ACACB: variants seen among roughly 807,000 people sequenced by gnomAD.
ACACB encodes acetyl-CoA carboxylase beta.
ACACB carries 209 observed loss-of-function variants against 278.8 expected under a neutral mutation model. The ratio of observed to expected loss-of-function variants is 0.75; its 90% CI spans 0.67 to 0.84. The LOEUF (loss-of-function observed/expected upper bound fraction) is 0.84. Among genes scored for constraint, ACACB ranks in the 40% least tolerant of loss-of-function variants. ACACB has a pLI of 0.00. For synonymous variants in ACACB, 1,174 were observed against 1,285.6 expected (o/e 0.91, Z 1.86); for missense variants, 2,850 against 3,269.0 (o/e 0.87, Z 3.13).
At chr12:109,195,933 G>T (rs541199461) in intron 16 of ACACB, among the ~76,000 whole-genome samples, 14 of 152,180 alleles carry the variant, frequency 9.2e-5, no homozygotes, top group African/African-American at 3.1e-4. Flanking sequence ...TGTGGTTAGG[G>T]GTCACCGTAT....
Position 109,145,473 on chromosome 12 carries a change from A to C in ACACB, c.653+5415A>C, listed in dbSNP as rs568899958. Among the ~76,000 whole-genome samples, 13 of 152,130 alleles carry C rather than the reference A, an allele frequency of 8.5e-5. No individual in the cohort carries two copies. The East Asian group carries it at 2.5e-3, about 29-fold the overall frequency. On this transcript the variant is annotated intron_variant, in intron 2 of 52. Transcript: ENST00000338432. ...CCCTTCCCACCATGCCACCTTTCCA[A>C]ATCTCCAGTATCTATTATTCTACTC...
At chr12:109,215,559 C>T (rs1350900127) in intron 22 of ACACB, among the ~76,000 whole-genome samples, 3 of 152,140 alleles carry the variant, frequency 2.0e-5, no homozygotes, top group Non-Finnish European at 2.9e-5. Context: ...GTCAGGAGAT[C>T]GAGACCATCC....
chr12:109,210,509 A>G (rs1310800359), intron 21 of ACACB, among the ~76,000 whole-genome samples: 6 of 148,840 alleles, frequency 4.0e-5, no homozygotes, highest in African/African-American at 1.5e-4. Flanking sequence ...ATGTGTATAT[A>G]CGCACATACA....
At position 109,216,617 on chromosome 12, in the gene ACACB, G is replaced by C. The variant is rs1251141035; in HGVS notation, c.3351-1G>C. ...TAAGAGCAGCCTTCCCTTCTCCCCA[G>C]ATACCGCAGCGGGATCCGCGGCTAT... On this transcript the variant is annotated splice_acceptor_variant, in intron 22 of 52. Coordinates refer to ENST00000338432, the MANE Select transcript of ACACB (RefSeq NM_001093.4). LOFTEE classifies it high-confidence loss of function. The C allele has an allele frequency of 1.9e-6, 3 of 1,614,112 alleles. No individual in the cohort carries two copies. Among genetic ancestry groups the C allele is most frequent in the South Asian group, 1.1e-5 (1 of 91,078 alleles).
chr12:109,191,158 AC>A (rs2044861828), intron 13 of ACACB, among the ~76,000 whole-genome samples: 1 of 150,392 alleles, frequency 6.6e-6, no homozygotes, highest in African/African-American at 2.5e-5. Flanking sequence ...CAGGCAGTAA[AC>A]CCTGGCGCTG....
upstream of ACACB, chr12:109,111,602 CT>C (rs2042293861): frequency 6.7e-6 from 1 of 149,628 alleles, no homozygotes; most frequent in Non-Finnish European, 1.5e-5. Context: ...GTCGCTCAGG[CT>C]GAAGTACAGT....
At chr12:109,228,879 T>G (rs2046393025) in intron 28 of ACACB, among the ~76,000 whole-genome samples, 1 of 152,142 alleles carries the variant, frequency 6.6e-6, no homozygotes, top group African/African-American at 2.4e-5. Flanking sequence ...ATCCCGGAGA[T>G]GATCATGACT....
chr12:109,208,177 C>G (rs1156736207), intron 20 of ACACB, among the ~76,000 whole-genome samples: 2 of 152,070 alleles, frequency 1.3e-5, no homozygotes, highest in Non-Finnish European at 2.9e-5. Context: ...CTCTTCGCCC[C>G]CACGTTATGC....
At chr12:109,150,910 G>A (rs1338630933) in intron 2 of ACACB, among the ~76,000 whole-genome samples, 1 of 151,550 alleles carries the variant, frequency 6.6e-6, no homozygotes, top group Non-Finnish European at 1.5e-5. Flanking sequence ...CTCTTTTCAA[G>A]TCTCTTTAGC....
intron 19 of ACACB, among the ~76,000 whole-genome samples, chr12:109,206,207 G>A (rs759526309): frequency 2.0e-5 from 3 of 151,990 alleles, no homozygotes; most frequent in Non-Finnish European, 4.4e-5. Context: ...AGGCCAAGGC[G>A]GGCAGATCAT....
At chr12:109,128,020 C>G (rs966889150) in intron 1 of ACACB, among the ~76,000 whole-genome samples, 1 of 152,268 alleles carries the variant, frequency 6.6e-6, no homozygotes, top group South Asian at 2.1e-4. Context: ...GGCAGCCTGG[C>G]GAGCTCCTAT....
At chr12:109,157,654 A>G (rs1035060762) in intron 2 of ACACB, among the ~76,000 whole-genome samples, 2 of 152,186 alleles carry the variant, frequency 1.3e-5, no homozygotes, top group Admixed American at 6.5e-5. Context: ...ATGAAAACTA[A>G]TAAGTAAAGA....
At chr12:109,260,444 G>A (rs1007409199) in intron 47 of ACACB, 36 bp from the exon 48 acceptor site, 3 of 1,613,406 alleles carry the variant, frequency 1.9e-6, no homozygotes, top group African/African-American at 1.3e-5. Context: ...GTGGATGAGT[G>A]AGGGCCCTGA....
intron 6 of ACACB, among the ~76,000 whole-genome samples, chr12:109,173,775 T>C (rs2044192362): frequency 1.3e-5 from 2 of 152,230 alleles, no homozygotes; most frequent in South Asian, 4.1e-4. Context: ...ATCTGGCTCT[T>C]TATAGAAAGA....
chr12:109,128,490 A>AC (rs2042738639), intron 1 of ACACB, among the ~76,000 whole-genome samples: 1 of 151,850 alleles, frequency 6.6e-6, no homozygotes, highest in Non-Finnish European at 1.5e-5. Flanking sequence ...GGCACCCACC[A>AC]CCACGCCCAG....
At chr12:109,258,579 G>A (rs1053176400) in intron 46 of ACACB, among the ~76,000 whole-genome samples, 1 of 152,158 alleles carries the variant, frequency 6.6e-6, no homozygotes, top group Non-Finnish European at 1.5e-5. Context: ...TTCCTCAGCA[G>A]ATGATAAAGG....
intron 2 of ACACB, among the ~76,000 whole-genome samples, chr12:109,159,251 T>C (rs1009206077): frequency 1.3e-5 from 2 of 152,224 alleles, no homozygotes; most frequent in Non-Finnish European, 2.9e-5. Context: ...CTTTCTTGTT[T>C]GGAAGTAGTT....
rs555900723 is a variant in ACACB at position 109,191,530 on chromosome 12, A to G, written c.2145-83A>G. 4.5e-6 allele frequency: 7 copies of G among 1,558,916 alleles called. No individual in the cohort carries two copies. The South Asian group carries it at 8.4e-5, about 19-fold the overall frequency. ...CACCCGGCCACTCCTGTGCTTTTCC[A>G]GTTCTCTGAATCACATCATTGCAGC... On this transcript the variant is annotated intron_variant, in intron 13 of 52. Transcript: ENST00000338432.
In ACACB at chr12:109,259,014, C is replaced by A. The variant is rs1211434935; in HGVS notation, c.6402C>A (p.Ala2134=). Residue 2134 remains alanine, a synonymous_variant, in exon 47 of 53, where the codon GCC becomes GCA. Transcript: ENST00000338432. ...QAGQVWFPDS[A]YKTAQAVKDF... ...GACAGGTGTGGTTCCCAGACTCAGC[C>A]TACAAAACCGCCCAGGCCGTCAAGG... 6.2e-7 allele frequency: 1 copy of A among 1,614,176 alleles called. No individual in the cohort carries two copies.
Sources: allele counts gnomAD v4.1 joint callset (sites outside exome capture counted in the v4.1 genomes callset), GRCh38; gene constraint gnomAD v4.1.1; transcripts MANE v1.5; gene names NCBI Gene and HGNC (gene_info 2026-07-23, HGNC 2026-07-21).